Variants in CNOT3 observed in about 807,000 individuals in gnomAD.
The protein encoded by CNOT3 is CCR4-associated factor 3.
Under a neutral mutation model 89.4 loss-of-function variants are expected in CNOT3, and 2 were observed. That is an observed-to-expected ratio of 0.02 (90% CI 0.01 to 0.07). The LOEUF (loss-of-function observed/expected upper bound fraction) is 0.07. Among genes scored for constraint, CNOT3 ranks in the 10% least tolerant of loss-of-function variants. The probability of loss-of-function intolerance (pLI) is 1.00; values close to 1 mark genes in which losing one functional copy is unlikely to be tolerated. For synonymous variants in CNOT3, 486 were observed against 402.0 expected (o/e 1.21, Z -2.50); for missense variants, 664 against 1,010.2 (o/e 0.66, Z 4.65).
Position 54,152,902 on chromosome 19 carries a change from C to T in CNOT3, c.1940C>T (p.Pro647Leu), listed in dbSNP as rs2075204680. The T allele has an allele frequency of 2.5e-6, 4 of 1,576,248 alleles. No homozygotes were observed. The highest frequency in any genetic ancestry group is 2.2e-5 in the East Asian group (1 of 44,736). Residue 647 changes from proline to leucine, a missense_variant, in exon 16 of 18, where the codon CCC (proline) becomes CTC (leucine). This residue lies in a region of CNOT3 where 545 missense variants were observed against 566.2 expected (regional missense o/e 0.96). Coordinates refer to ENST00000221232, the MANE Select transcript of CNOT3 (RefSeq NM_014516.4). ...CCCCGGAACCCCTGTCCGACGCCCC[C>T]CTACCACCACCAGATGCCACCCCCA... The part of the protein sequence containing the change: ...YLPRNPCPTP[P>L]YHHQMPPPHS...
Position 54,145,893 on chromosome 19 carries a change from T to C in CNOT3, c.704-17T>C. The C allele has an allele frequency of 1.2e-6, 2 of 1,612,946 alleles. No homozygotes were observed. Among genetic ancestry groups the C allele is most frequent in the Non-Finnish European group, 1.7e-6 (2 of 1,179,520 alleles). ...CTGTGTGAGCCAGCTAAGCATGCCCTTCTTCTGCCCCCACAGCACAGGCGC... is the reference window on the plus strand; with the variant it reads ...CTGTGTGAGCCAGCTAAGCATGCCCCTCTTCTGCCCCCACAGCACAGGCGC... On this transcript the variant is annotated splice_polypyrimidine_tract_variant and intron_variant, in intron 8 of 17. Coordinates refer to ENST00000221232, the MANE Select transcript of CNOT3 (RefSeq NM_014516.4). This position sits in a 1 kb window ranked among gnomAD's most constrained non-coding sequence, Gnocchi z 5.9.
intron 10 of CNOT3, among the ~76,000 whole-genome samples, chr19:54,147,715 T>C (rs1330448266): frequency 6.6e-6 from 1 of 152,182 alleles, no homozygotes; most frequent in African/African-American, 2.4e-5. Flanking sequence ...ACCCTTCAGG[T>C]GACATTCAGA....
intron 16 of CNOT3, 193 bp from the exon 17 acceptor site, chr19:54,153,522 C>T: frequency 1.3e-6 from 1 of 778,732 alleles, no homozygotes; most frequent in South Asian, 1.4e-5. Flanking sequence ...TTTTCACCTC[C>T]TGTCTCATTT....
intron 1 of CNOT3, among the ~76,000 whole-genome samples, chr19:54,140,338 G>A (rs1407961554): frequency 6.6e-6 from 1 of 152,108 alleles, no homozygotes; most frequent in Non-Finnish European, 1.5e-5. Flanking sequence ...GAGGTTCCCA[G>A]ATTCCTCAGT....
chr19:54,152,461 C>T lies in CNOT3; in HGVS notation c.1739C>T (p.Ala580Val), dbSNP rs778757515. ...IILSSTSAPP[A>V]SAQPPLQLSE... ...CTGAGCAGTACATCAGCACCTCCGG[C>T]CTCAGCCCAGCCGCCCCTGCAGCTG... The change falls in exon 15 of 18, where the codon GCC becomes GTC. Residue 580 changes from alanine (A) to valine (V), a missense_variant. This residue lies in a region of CNOT3 where 545 missense variants were observed against 566.2 expected (regional missense o/e 0.96). Coordinates refer to ENST00000221232, the MANE Select transcript of CNOT3 (RefSeq NM_014516.4). The T allele has an allele frequency of 1.2e-6, 2 of 1,614,204 alleles. No individual in the cohort carries two copies. Among genetic ancestry groups the T allele is most frequent in the South Asian group, 2.2e-5 (2 of 91,090 alleles).
At chr19:54,153,671 G>C (rs759901173) in intron 16 of CNOT3, 44 bp from the exon 17 acceptor site, 2 of 1,579,394 alleles carry the variant, frequency 1.3e-6, no homozygotes, top group South Asian at 1.1e-5. Context: ...TCCCCACCCA[G>C]TTTGGGGGCC....
intron 1 of CNOT3, among the ~76,000 whole-genome samples, chr19:54,141,062 G>A (rs1388230555): frequency 1.3e-5 from 2 of 152,136 alleles, no homozygotes; most frequent in Non-Finnish European, 2.9e-5. Context: ...TATGCAGTAA[G>A]AGGCTTTTCT....
Position 54,148,682 on chromosome 19 carries a change from A to G in CNOT3, c.1345A>G (p.Asn449Asp), listed in dbSNP as rs1478005718. 2.5e-6 allele frequency: 4 copies of G among 1,611,410 alleles called. No individual in the cohort carries two copies. In the African/African-American group the frequency reaches 5.3e-5, roughly 22 times the overall value. ...GGCTTTGAGCAGCAGTGGGGGCAACAATGCCAGCAGCCAGGCCTTGGGCCC... is the reference window on the plus strand; with the variant it reads ...GGCTTTGAGCAGCAGTGGGGGCAACGATGCCAGCAGCCAGGCCTTGGGCCC... ...EVALSSSGGN[N>D]ASSQALGPPS... The change falls in exon 12 of 18, where the codon AAT becomes GAT. Residue 449 changes from asparagine to aspartate, a missense_variant. By Grantham distance (23) the Asn-to-Asp change is conservative (BLOSUM62 1). Coordinates refer to ENST00000221232, the MANE Select transcript of CNOT3 (RefSeq NM_014516.4). This position sits in a 1 kb window ranked among gnomAD's most constrained non-coding sequence, Gnocchi z 6.3.
Position 54,145,255 on chromosome 19 carries a change from G to A in CNOT3, c.484-343G>A, listed in dbSNP as rs1416055917. Among the ~76,000 whole-genome samples, 3 of 152,124 alleles carry A rather than the reference G, an allele frequency of 2.0e-5. No individual in the cohort carries two copies. Among genetic ancestry groups the A allele is most frequent in the Non-Finnish European group, 2.9e-5 (2 of 68,014 alleles). On this transcript the variant is annotated intron_variant, in intron 7 of 17. Transcript: ENST00000221232. The surrounding 1 kb of genome is among the most constrained non-coding windows in gnomAD (Gnocchi z 5.9). ...GCCAGAGGCAGTCACAGTGGTGGGC[G>A]GGCTCAGTTGAGAAATCTGGGCTGT...
In CNOT3 at chr19:54,155,504, C is replaced by G; in HGVS notation, c.*97C>G. ...TGGAAGACTGGAGGGAGGCCCCAAGCCACGGGGCATCCCCCTCTCCCAGGA... is the reference window on the plus strand; with the variant it reads ...TGGAAGACTGGAGGGAGGCCCCAAGGCACGGGGCATCCCCCTCTCCCAGGA... On this transcript the variant is annotated 3_prime_UTR_variant, in exon 18 of 18. Transcript: ENST00000221232. 3.1e-6 allele frequency: 3 copies of G among 953,778 alleles called. No homozygotes were observed. Among genetic ancestry groups the G allele is most frequent in the Non-Finnish European group, 3.1e-6 (2 of 641,128 alleles). The allele number at this position is 953,778 out of a possible 1,614,324, so 59.1% of individuals were successfully genotyped here.
At chr19:54,154,222 C>T (rs1165068150) in intron 17 of CNOT3, 2 of 411,598 alleles carry the variant, frequency 4.9e-6, no homozygotes, top group African/African-American at 2.0e-5. Flanking sequence ...GCCCCCACTT[C>T]ACCTCCAGGT....
In CNOT3 at chr19:54,148,014, A is replaced by G; in HGVS notation, c.895-134A>G. 1 of 579,630 alleles carries G rather than the reference A, an allele frequency of 1.7e-6. No homozygotes were observed. The highest frequency in any genetic ancestry group is 2.8e-6 in the Non-Finnish European group (1 of 352,536). The allele number at this position is 579,630 out of a possible 1,614,324, so 35.9% of individuals were successfully genotyped here. On this transcript the variant is annotated intron_variant, in intron 10 of 17. Coordinates refer to ENST00000221232, the MANE Select transcript of CNOT3 (RefSeq NM_014516.4). The surrounding 1 kb of genome is among the most constrained non-coding windows in gnomAD (Gnocchi z 6.3). ...GTGAGTAAGGTCACCCAGGTCCCCA[A>G]GAGGGCAGGAGCAGGTGGGGGCAGC... is the stretch of plus-strand genomic sequence containing the variant.
intron 13 of CNOT3, 96 bp from the exon 14 acceptor site, chr19:54,152,130 C>T: frequency 7.3e-7 from 1 of 1,362,858 alleles, no homozygotes; most frequent in Non-Finnish European, 1.0e-6. Flanking sequence ...TCCACGGCCC[C>T]CAAACAGGGC....
chr19:54,149,584 A>C lies in CNOT3; in HGVS notation c.1431A>C (p.Pro477=). The C allele has an allele frequency of 6.2e-7, 1 of 1,601,396 alleles. No individual in the cohort carries two copies. The highest frequency in any genetic ancestry group is 1.7e-5 in the Admixed American group (1 of 58,692). ...GGAAGGAACCCAGTGCGGCAGCCCC[A>C]ACGGGGGCTGGGGGCGTGGCCCCAG... ...STSKEPSAAA[P]TGAGGVAPGS... Residue 477 remains proline, a synonymous_variant, in exon 13 of 18, where the codon CCA becomes CCC. Transcript: ENST00000221232.
chr19:54,142,765 A>G, intron 1 of CNOT3, 164 bp from the exon 2 acceptor site: 1 of 621,290 alleles, frequency 1.6e-6, no homozygotes, highest in South Asian at 1.8e-5. Context: ...TATGCTGGGC[A>G]GTCAAGCGAG....
chr19:54,143,378 T>A, intron 3 of CNOT3, 64 bp from the exon 4 acceptor site: 2 of 1,524,028 alleles, frequency 1.3e-6, no homozygotes, highest in Non-Finnish European at 1.8e-6. Flanking sequence ...TAAGGAAGAA[T>A]CACTGGAGTG....
intron 1 of CNOT3, among the ~76,000 whole-genome samples, chr19:54,138,574 C>T (rs2074317268): frequency 6.6e-6 from 1 of 152,104 alleles, no homozygotes; most frequent in African/African-American, 2.4e-5. Flanking sequence ...GGACCGAGGC[C>T]GCCCTCCGCA....
intron 17 of CNOT3, 85 bp downstream of exon 17, chr19:54,153,925 C>T (rs760302899): frequency 2.6e-6 from 4 of 1,560,338 alleles, no homozygotes; most frequent in African/African-American, 1.4e-5. Context: ...GCCTCTGCTC[C>T]CTTGCCTCCA....
intron 13 of CNOT3, 142 bp from the exon 14 acceptor site, chr19:54,152,084 G>A (rs2075146971): frequency 1.3e-6 from 1 of 750,044 alleles, no homozygotes; most frequent in Non-Finnish European, 2.2e-6. Flanking sequence ...GCTTTTACCT[G>A]TCATGGGTAG....
Sources: allele counts gnomAD v4.1 joint callset (sites outside exome capture counted in the v4.1 genomes callset), GRCh38; gene constraint gnomAD v4.1.1; regional missense constraint gnomAD v4.1.1; non-coding constraint Gnocchi (gnomAD v3.1); transcripts MANE v1.5; gene names NCBI Gene and HGNC (gene_info 2026-07-23, HGNC 2026-07-21).